The following UGGT1 variants were observed in gnomAD, a reference collection of about 807,000 sequenced individuals.
UGGT1 encodes UDP-glucose glycoprotein glucosyltransferase 1, also known as UDP-glucose:glycoprotein glucosyltransferase 1.
UGGT1 carries 107 observed loss-of-function variants against 203.9 expected under a neutral mutation model. The ratio of observed to expected loss-of-function variants is 0.52; its 90% CI spans 0.45 to 0.62. UGGT1 has a LOEUF of 0.62. UGGT1 is among the 20% of genes least tolerant of loss of function. The pLI, the probability that UGGT1 is intolerant of heterozygous loss-of-function variation, is 0.00. For synonymous variants in UGGT1, 628 were observed against 653.5 expected, an observed-to-expected ratio of 0.96 and a Z score of 0.59; for missense variants, 1,673 against 1,867.2, an observed-to-expected ratio of 0.90 and a Z score of 1.92.
intron 10 of UGGT1, among the ~76,000 whole-genome samples, chr2:128,122,808 A>G (rs112691391): frequency 6.6e-6 from 1 of 152,324 alleles, no homozygotes; most frequent in African/African-American, 2.4e-5. Flanking sequence ...GAAGGTATAC[A>G]TGAATGATTC....
chr2:128,106,913 G>C (rs1007226095), intron 3 of UGGT1, among the ~76,000 whole-genome samples: 3 of 152,066 alleles, frequency 2.0e-5, no homozygotes, highest in African/African-American at 7.2e-5. Context: ...GAGCTCCTGG[G>C]CTCAAGCAAT....
At position 128,133,232 on chromosome 2, in the gene UGGT1, G is replaced by A. The variant is rs371400217; in HGVS notation, c.1469G>A (p.Arg490Gln). The change falls in exon 14 of 41, where the codon CGG becomes CAG. Residue 490 changes from arginine (R) to glutamine (Q), a missense_variant. This residue lies in a region of UGGT1 where 1,073 missense variants were observed against 1,078.7 expected (regional missense o/e 0.99). Coordinates refer to ENST00000259253, the MANE Select transcript of UGGT1 (RefSeq NM_020120.4). ...CGACCCACCTTTCCTGGTGTTATTC[G>A]GCAGATCAGGAAAAACTTACATAAT... Reference protein sequence around the residue: ...LLRPTFPGVIRQIRKNLHNMV... With the variant: ...LLRPTFPGVIQQIRKNLHNMV... 7.4e-6 allele frequency: 12 copies of A among 1,613,578 alleles called. No individual in the cohort carries two copies. Among genetic ancestry groups the A allele is most frequent in the Admixed American group, 1.7e-5 (1 of 59,958 alleles).
At chr2:128,108,857 A>G (rs745723944) in intron 4 of UGGT1, among the ~76,000 whole-genome samples, 4 of 152,052 alleles carry the variant, frequency 2.6e-5, no homozygotes, top group Non-Finnish European at 5.9e-5. Flanking sequence ...CTTGCTTGTT[A>G]CTGTATTGTA....
At chr2:128,104,642 A>T (rs1027146684) in intron 3 of UGGT1, among the ~76,000 whole-genome samples, 6 of 151,570 alleles carry the variant, frequency 4.0e-5, no homozygotes, top group Non-Finnish European at 8.8e-5. Flanking sequence ...GGTTATTATT[A>T]TTTTTTTTTA....
intron 9 of UGGT1, 137 bp from the exon 10 acceptor site, chr2:128,121,062 G>T: frequency 1.3e-6 from 1 of 770,662 alleles, no homozygotes; most frequent in South Asian, 1.7e-5. Context: ...ATTAAATCAT[G>T]GGCACTCTCT....
chr2:128,179,504 G>T (rs1164145886), intron 34 of UGGT1, among the ~76,000 whole-genome samples: 1 of 152,206 alleles, frequency 6.6e-6, no homozygotes, highest in Non-Finnish European at 1.5e-5. Context: ...ATCAGTTCAT[G>T]AAGCAGTTTA....
intron 1 of UGGT1, among the ~76,000 whole-genome samples, chr2:128,091,956 T>C (rs1223474587): frequency 6.6e-6 from 1 of 152,240 alleles, no homozygotes; most frequent in Non-Finnish European, 1.5e-5. Context: ...AACTTATAGA[T>C]GTGAACTGTT....
rs529952483 is a variant in UGGT1 at position 128,188,286 on chromosome 2, C to T, written c.4642+672C>T. 1.5e-4 allele frequency among the ~76,000 whole-genome samples: 23 copies of T among 152,114 alleles called. No homozygotes were observed. In the South Asian group the frequency reaches 2.1e-3, roughly 14 times the overall value. ...TCTCAAACTCCTGACCCAAGTGATC[C>T]GCCCGCCTCAGCCTCCCAAAGTGCT... On this transcript the variant is annotated intron_variant, in intron 40 of 40. Coordinates refer to ENST00000259253, the MANE Select transcript of UGGT1 (RefSeq NM_020120.4).
At position 128,181,023 on chromosome 2, in the gene UGGT1, T is replaced by C; in HGVS notation, c.4034T>C (p.Val1345Ala). 1.2e-6 allele frequency: 2 copies of C among 1,614,232 alleles called. No homozygotes were observed. Among genetic ancestry groups the C allele is most frequent in the African/African-American group, 1.3e-5 (1 of 75,072 alleles). Residue 1345 changes from valine to alanine, a missense_variant, in exon 36 of 41, where the codon GTA (valine) becomes GCA (alanine). Transcript: ENST00000259253. ...IWGYKILFLD[V>A]LFPLVVDKFL... ...GGTTACAAGATCCTCTTCCTGGATGTACTTTTCCCACTAGTTGTTGACAAG... is the reference window on the plus strand; with the variant it reads ...GGTTACAAGATCCTCTTCCTGGATGCACTTTTCCCACTAGTTGTTGACAAG...
In UGGT1 at chr2:128,097,461, C is replaced by T. The variant is rs1342588558; in HGVS notation, c.91C>T (p.Leu31Phe). Reference protein sequence around the residue: ...VCYKMGVLVVLTVLWLFSSVK... With the variant: ...VCYKMGVLVVFTVLWLFSSVK... Reference sequence around the variant, plus strand: ...CTATAAAATGGGAGTTCTGGTTGTACTCACTGTTCTGTGGCTGTTCTCCTC... The same window carrying T: ...CTATAAAATGGGAGTTCTGGTTGTATTCACTGTTCTGTGGCTGTTCTCCTC... Residue 31 changes from leucine (L) to phenylalanine (F), a missense_variant, in exon 2 of 41, where the codon CTC (leucine) becomes TTC (phenylalanine). This residue lies in a region of UGGT1 where 83 missense variants were observed against 87.2 expected (regional missense o/e 0.95). Coordinates refer to ENST00000259253, the MANE Select transcript of UGGT1 (RefSeq NM_020120.4). The T allele has an allele frequency of 3.7e-6, 6 of 1,613,898 alleles. No individual in the cohort carries two copies. In the Admixed American group the frequency reaches 6.7e-5, roughly 18 times the overall value.
At chr2:128,104,062 T>A (rs1342026181) in intron 3 of UGGT1, 48 bp downstream of exon 3, 1 of 1,445,632 alleles carries the variant, frequency 6.9e-7, no homozygotes, top group Non-Finnish European at 9.3e-7. Context: ...TGGGAAAATA[T>A]TAGGAAAAAA....
In UGGT1 at chr2:128,159,429, C is replaced by G; in HGVS notation, c.2356-85C>G. ...CTTTTAAGAGAGATATTATTTGCTACTTATTGAACATGACTGATGTTAATG... is the reference window on the plus strand; with the variant it reads ...CTTTTAAGAGAGATATTATTTGCTAGTTATTGAACATGACTGATGTTAATG... On this transcript the variant is annotated intron_variant, in intron 22 of 40. Transcript: ENST00000259253. The G allele has an allele frequency of 2.4e-6, 3 of 1,239,974 alleles. No homozygotes were observed. In the South Asian group the frequency reaches 3.9e-5, roughly 16 times the overall value. The allele number at this position is 1,239,974 out of a possible 1,614,324, so 76.8% of individuals were successfully genotyped here. A position where few individuals can be genotyped will look rare whatever the true frequency, so the allele number is the denominator to read the frequency against.
At chr2:128,159,758 G>T (rs757988757) in intron 23 of UGGT1, 38 bp downstream of exon 23, 28 of 1,597,212 alleles carry the variant, frequency 1.8e-5, no homozygotes, top group Non-Finnish European at 2.3e-5. Context: ...GCCCCATTTT[G>T]TCTGCCACGG....
chr2:128,169,061 A>G (rs1323828901), intron 26 of UGGT1, among the ~76,000 whole-genome samples: 3 of 48,650 alleles, frequency 6.2e-5, no homozygotes, highest in Non-Finnish European at 1.5e-4. Context: ...AAAAAAAAAA[A>G]AAAAAAAAAA....
At position 128,186,941 on chromosome 2, in the gene UGGT1, C is replaced by T. The variant is rs370280702; in HGVS notation, c.4476+142C>T. 115 of 608,366 alleles carry T rather than the reference C, an allele frequency of 1.9e-4. 1 individual carries two copies. The African/African-American group carries it at 2.0e-3, about 11-fold the overall frequency. 37.7% of individuals were successfully genotyped at this position (608,366 alleles called of 1,614,324 possible). A position where few individuals can be genotyped will look rare whatever the true frequency, so the allele number is the denominator to read the frequency against. On this transcript the variant is annotated intron_variant, in intron 39 of 40. Transcript: ENST00000259253. Reference sequence around the variant, plus strand: ...CTTTCTCTGTAATTGTGTAGTTTGTCGGGGCTATTCTTATCTTACAGAATA... The same window carrying T: ...CTTTCTCTGTAATTGTGTAGTTTGTTGGGGCTATTCTTATCTTACAGAATA...
chr2:128,170,220 T>C (rs1186654929), intron 26 of UGGT1, 68 bp from the exon 27 acceptor site: 1 of 1,323,536 alleles, frequency 7.6e-7, no homozygotes, highest in East Asian at 2.3e-5. Context: ...TTGAAGGTTA[T>C]ATTGTACAAA....
In UGGT1 at chr2:128,117,996, G is replaced by GAGAGAGAGAGAGAGAGAGAGGGAA. The variant is rs1553434641; in HGVS notation, c.872+1663_872+1686dup. Among the ~76,000 whole-genome samples, 97 of 88,932 alleles carry GAGAGAGAGAGAGAGAGAGAGGGAA rather than the reference G, an allele frequency of 1.1e-3. 1 individual carries two copies. Among genetic ancestry groups the GAGAGAGAGAGAGAGAGAGAGGGAA allele is most frequent in the Middle Eastern group, 8.3e-3 (1 of 120 alleles). The allele number at this position is 88,932 out of a possible 152,430, so 58.3% of individuals were successfully genotyped here. A position where few individuals can be genotyped will look rare whatever the true frequency, so the allele number is the denominator to read the frequency against. ...TGTGTGTCTGTGTGTGTGTGTGTGA[G>GAGAGAGAGAGAGAGAGAGAGGGAA]AGAGAGAGAGAGAGAGAGAGGGAAA... is the stretch of plus-strand genomic sequence containing the variant. On this transcript the variant is annotated intron_variant, in intron 8 of 40. Transcript: ENST00000259253.
At chr2:128,173,008 C>G (rs6720058) in intron 29 of UGGT1, among the ~76,000 whole-genome samples, 20,389 of 152,122 alleles carry the variant, frequency 0.13, 1,504 homozygotes, top group Non-Finnish European at 0.17. Context: ...TTTTCAGCAT[C>G]CCCAGTGAAA....
At chr2:128,142,413 G>A (rs894772264) in intron 16 of UGGT1, among the ~76,000 whole-genome samples, 2 of 148,090 alleles carry the variant, frequency 1.4e-5, no homozygotes, top group African/African-American at 2.5e-5. Context: ...GTGAAACCCC[G>A]TCTCTACTAA....
Sources: allele counts gnomAD v4.1 joint callset (sites outside exome capture counted in the v4.1 genomes callset), GRCh38; gene constraint gnomAD v4.1.1; regional missense constraint gnomAD v4.1.1; transcripts MANE v1.5; gene names NCBI Gene and HGNC (gene_info 2026-07-23, HGNC 2026-07-21).